SYT16: variants seen among roughly 807,000 people sequenced by gnomAD.
SYT16 encodes synaptotagmin-16.
In SYT16, 42 loss-of-function variants were observed where a neutral mutation model predicts 61.4. That is an observed-to-expected ratio of 0.68 (90% CI 0.53 to 0.89). The LOEUF (loss-of-function observed/expected upper bound fraction) is 0.89, where lower values mean the gene tolerates loss of function less well. Ranked by LOEUF, SYT16 falls within the 40% of genes least tolerant of loss-of-function variation. The pLI is 0.00. For synonymous variants in SYT16, 314 were observed against 302.3 expected, an observed-to-expected ratio of 1.04 and a Z score of -0.40; for missense variants, 804 against 807.3, an observed-to-expected ratio of 1.00 and a Z score of 0.05.
intron 7 of SYT16, among the ~76,000 whole-genome samples, chr14:62,093,262 T>C (rs978561873): frequency 8.6e-5 from 13 of 151,914 alleles, no homozygotes; most frequent in South Asian, 2.1e-4. Context: ...AGGGAATAAA[T>C]GAGAATAAAG....
chr14:62,069,621 A>G lies in SYT16; in HGVS notation c.542A>G (p.Asp181Gly). The change falls in exon 4 of 8, where the codon GAC becomes GGC. Residue 181 changes from aspartate to glycine, a missense_variant. Asp to Gly is a moderately conservative substitution (Grantham distance 94). Coordinates refer to ENST00000683842, the MANE Select transcript of SYT16 (RefSeq NM_001367656.1). ...GKKQVNSFGD[D>G]EELSTSSDSD... ...CTCCCAGTCAACAGCTTTGGGGATGACGAAGAGCTGTCCACATCTTCTGAC... is the reference window on the plus strand; with the variant it reads ...CTCCCAGTCAACAGCTTTGGGGATGGCGAAGAGCTGTCCACATCTTCTGAC... 1 of 1,613,942 alleles carries G rather than the reference A, an allele frequency of 6.2e-7. No homozygotes were observed. Among genetic ancestry groups the G allele is most frequent in the Non-Finnish European group, 8.5e-7 (1 of 1,179,866 alleles).
intron 3 of SYT16, among the ~76,000 whole-genome samples, chr14:62,042,170 T>C (rs2054759132): frequency 6.6e-6 from 1 of 152,144 alleles, no homozygotes; most frequent in Admixed American, 6.5e-5. Context: ...ATTTTTTTTC[T>C]TTTGCTTTTT....
At chr14:61,994,744 G>A (rs77518214) in intron 2 of SYT16, among the ~76,000 whole-genome samples, 7,226 of 152,194 alleles carry the variant, frequency 0.047, 191 homozygotes, top group African/African-American at 0.068. Flanking sequence ...CTGTATGGAG[G>A]CAAAGCCCTC....
intron 1 of SYT16, among the ~76,000 whole-genome samples, chr14:61,863,775 A>G (rs889388255): frequency 2.0e-5 from 3 of 152,066 alleles, no homozygotes; most frequent in Admixed American, 1.3e-4. Flanking sequence ...ATCCATTTTG[A>G]GTTAATTTTT....
At chr14:61,972,158 T>C (rs1638375811) in intron 2 of SYT16, among the ~76,000 whole-genome samples, 1 of 152,222 alleles carries the variant, frequency 6.6e-6, no homozygotes, top group African/African-American at 2.4e-5. Context: ...CCTATAGCAA[T>C]GCAACAGCAA....
chr14:61,835,564 CTT>C (rs371587159), intron 1 of SYT16, among the ~76,000 whole-genome samples: 1,484 of 145,036 alleles, frequency 0.01, 30 homozygotes, highest in African/African-American at 0.035. Context: ...GGCCAGGTGA[CTT>C]TTTTTTTTTA....
At chr14:61,933,843 G>T (rs2049869811) in intron 1 of SYT16, among the ~76,000 whole-genome samples, 2 of 152,262 alleles carry the variant, frequency 1.3e-5, no homozygotes, top group South Asian at 2.1e-4. Flanking sequence ...TAGAAAATAA[G>T]GAGGATATTT....
intron 1 of SYT16, among the ~76,000 whole-genome samples, chr14:61,878,879 G>T (rs1002840927): frequency 7.2e-5 from 11 of 152,092 alleles, no homozygotes; most frequent in Non-Finnish European, 1.5e-4. Flanking sequence ...AATAGCAGGG[G>T]CTTGGAGTGG....
Position 62,100,698 on chromosome 14 carries a change from G to C in SYT16, c.1929G>C (p.Leu643=). Residue 643 remains leucine (L), a synonymous_variant, in exon 8 of 8, where the codon CTG becomes CTC. Transcript: ENST00000683842. ...AGATCTGCAGATGGCACACTTTGCT[G>C]GAATCCTAGGTTTGCTAACCTGCAT... ...GQQICRWHTL[L]ES The C allele has an allele frequency of 6.2e-7, 1 of 1,612,494 alleles. No homozygotes were observed. The highest frequency in any genetic ancestry group is 8.5e-7 in the Non-Finnish European group (1 of 1,179,092).
chr14:61,858,393 G>A (rs73256466), intron 1 of SYT16, among the ~76,000 whole-genome samples: 15,018 of 152,074 alleles, frequency 0.099, 1,595 homozygotes, highest in African/African-American at 0.27. Flanking sequence ...GGAATAAAAA[G>A]ATCATCTTGA....
intron 3 of SYT16, among the ~76,000 whole-genome samples, chr14:62,040,269 G>C (rs2054675377): frequency 6.6e-6 from 1 of 152,164 alleles, no homozygotes; most frequent in Admixed American, 6.6e-5. Flanking sequence ...AAGATATGGA[G>C]AGGGGTGGTT....
chr14:62,011,926 C>CATATATATATATATATATATATAT lies in SYT16; in HGVS notation c.523+15400_523+15401insATATATATATATATATATATATAT, dbSNP rs142408466. Among the ~76,000 whole-genome samples the CATATATATATATATATATATATAT allele has an allele frequency of 7.2e-3, 950 of 132,474 alleles. 16 individuals carry two copies. The highest frequency in any genetic ancestry group is 9.6e-3 in the Non-Finnish European group (630 of 65,800). The allele number at this position is 132,474 out of a possible 152,430, so 86.9% of individuals were successfully genotyped here. A position where few individuals can be genotyped will look rare whatever the true frequency, so the allele number is the denominator to read the frequency against. Reference sequence around the variant, plus strand: ...ACACATATATATACACACACACACACATATATATATATATATTTGATGCTG... The same window carrying CATATATATATATATATATATATAT: ...ACACATATATATACACACACACACACATATATATATATATATATATATATATATATATATATATATTTGATGCTG... On this transcript the variant is annotated intron_variant, in intron 3 of 7. Coordinates refer to ENST00000683842, the MANE Select transcript of SYT16 (RefSeq NM_001367656.1).
At chr14:62,005,426 AT>A (rs1566756933) in intron 3 of SYT16, among the ~76,000 whole-genome samples, 23 of 152,142 alleles carry the variant, frequency 1.5e-4, no homozygotes, top group African/African-American at 5.6e-4. Flanking sequence ...CAAGGTTCCT[AT>A]CCATTCTGCC....
chr14:61,945,178 C>T (rs974106483), intron 1 of SYT16, among the ~76,000 whole-genome samples: 10 of 152,176 alleles, frequency 6.6e-5, no homozygotes, highest in Non-Finnish European at 1.0e-4. Context: ...ATCAAAACCA[C>T]GGTGAGATAC....
rs1363421506 is a variant in SYT16, at chr14:62,099,412, A to G, written c.1625-982A>G. ...CTGATTGGGTGGACTGGGAATGAGGAAGTCAGTCTTGTGAAAAATGAGGTC... is the reference window on the plus strand; with the variant it reads ...CTGATTGGGTGGACTGGGAATGAGGGAGTCAGTCTTGTGAAAAATGAGGTC... On this transcript the variant is annotated intron_variant, in intron 7 of 7. Coordinates refer to ENST00000683842, the MANE Select transcript of SYT16 (RefSeq NM_001367656.1). 4.6e-5 allele frequency among the ~76,000 whole-genome samples: 7 copies of G among 152,276 alleles called. 1 individual carries two copies. In the South Asian group the frequency reaches 1.5e-3, roughly 32 times the overall value.
intron 1 of SYT16, chr14:61,864,832 T>C (rs542471635): frequency 2.9e-6 from 3 of 1,022,666 alleles, no homozygotes; most frequent in African/African-American, 3.2e-5. Context: ...ATTATGACGG[T>C]GGGCCTTGCT....
chr14:62,026,280 CTGT>C (rs959885371), intron 3 of SYT16, among the ~76,000 whole-genome samples: 5 of 152,246 alleles, frequency 3.3e-5, no homozygotes, highest in Admixed American at 3.3e-4. Flanking sequence ...TTTTCTTAAT[CTGT>C]TTATGTTGCT....
intron 3 of SYT16, among the ~76,000 whole-genome samples, chr14:62,013,906 G>T (rs948957123): frequency 6.6e-6 from 1 of 151,906 alleles, no homozygotes; most frequent in African/African-American, 2.4e-5. Context: ...GGAGGTTGCC[G>T]TGAGCCGAGA....
rs905085080 is a variant in SYT16, at chr14:61,823,868, G to A, written c.-325+11058G>A. On this transcript the variant is annotated intron_variant, in intron 1 of 7. Transcript: ENST00000683842. ...GCTGATTGAATTCTTGCTTTAAGAT[G>A]ATTGTCTTAGAGTTTAAAATATGAA... 4.6e-5 allele frequency among the ~76,000 whole-genome samples: 7 copies of A among 152,216 alleles called. No homozygotes were observed. The East Asian group carries it at 1.3e-3, about 29-fold the overall frequency.
Sources: allele counts gnomAD v4.1 joint callset (sites outside exome capture counted in the v4.1 genomes callset), GRCh38; gene constraint gnomAD v4.1.1; transcripts MANE v1.5; gene names NCBI Gene and HGNC (gene_info 2026-07-23, HGNC 2026-07-21).